The following COL1A2 variants were observed in gnomAD, a reference collection of about 807,000 sequenced individuals.
The protein encoded by COL1A2 is collagen alpha-2(I) chain.
In COL1A2, 49 loss-of-function variants were observed where a neutral mutation model predicts 174.3. The ratio of observed to expected loss-of-function variants is 0.28; its 90% CI spans 0.22 to 0.36. The LOEUF is 0.36. Among genes scored for constraint, COL1A2 ranks in the 10% least tolerant of loss-of-function variants. COL1A2 has a pLI of 1.00. For synonymous variants in COL1A2, 655 were observed against 606.6 expected (o/e 1.08, Z -1.17); for missense variants, 1,438 against 1,822.7 (o/e 0.79, Z 3.84).
Position 94,428,430 on chromosome 7 carries a change from G to T in COL1A2, c.3664G>T (p.Asp1222Tyr). The change falls in exon 50 of 52, where the codon GAC becomes TAC. Residue 1222 changes from aspartate (D) to tyrosine (Y), a missense_variant. Asp to Tyr is a radical substitution (Grantham distance 160). Around this residue, in one of 3 missense-constraint regions of COL1A2, gnomAD observed 290 missense variants for 298.1 expected, o/e 0.97. Transcript: ENST00000297268. Reference sequence around the variant, plus strand: ...CAAGAACTGGTATAGGAGCTCCAAGGACAAGAAACACGTCTGGCTAGGAGA... The same window carrying T: ...CAAGAACTGGTATAGGAGCTCCAAGTACAAGAAACACGTCTGGCTAGGAGA... ...PAKNWYRSSK[D>Y]KKHVWLGETI... 1 of 1,614,102 alleles carries T rather than the reference G, an allele frequency of 6.2e-7. No homozygotes were observed. Among genetic ancestry groups the T allele is most frequent in the Non-Finnish European group, 8.5e-7 (1 of 1,180,000 alleles).
In COL1A2 at chr7:94,416,676, C is replaced by G. The variant is rs545335330; in HGVS notation, c.1863+173C>G. 6.1e-5 allele frequency: 37 copies of G among 608,412 alleles called. No individual in the cohort carries two copies. The South Asian group carries it at 7.5e-4, about 12-fold the overall frequency. The allele number at this position is 608,412 out of a possible 1,614,324, so 37.7% of individuals were successfully genotyped here. On this transcript the variant is annotated intron_variant, in intron 31 of 51. Coordinates refer to ENST00000297268, the MANE Select transcript of COL1A2 (RefSeq NM_000089.4). ...TCCAGTGGACCTGAATTATTCTAAA[C>G]AAACAAACAATAGCAACAAACTGTG... is the stretch of plus-strand genomic sequence containing the variant.
intron 34 of COL1A2, 76 bp from the exon 35 acceptor site, chr7:94,420,157 C>G (rs569251031): frequency 6.3e-7 from 1 of 1,588,536 alleles, no homozygotes; most frequent in Admixed American, 1.7e-5. Flanking sequence ...CTGTCCACCA[C>G]TGTTCTCTCT....
chr7:94,420,804 T>C (rs1236168190), intron 37 of COL1A2, 156 bp downstream of exon 37: 15 of 907,666 alleles, frequency 1.7e-5, no homozygotes, highest in Non-Finnish European at 2.5e-5. Flanking sequence ...CTTTACAAAG[T>C]ATAAAAGTTT....
chr7:94,420,194 T>A, intron 34 of COL1A2, 39 bp from the exon 35 acceptor site: 3 of 1,612,336 alleles, frequency 1.9e-6, no homozygotes, highest in Non-Finnish European at 8.5e-7. Flanking sequence ...AGCATCTATG[T>A]CAGGCACATT....
In COL1A2 at chr7:94,400,497, C is replaced by T. The variant is rs80212902; in HGVS notation, c.225+209C>T. Among the ~76,000 whole-genome samples the T allele has an allele frequency of 0.023, 3,459 of 152,168 alleles. 137 individuals carry two copies. Among genetic ancestry groups the T allele is most frequent in the African/African-American group, 0.079 (3,272 of 41,494 alleles). On this transcript the variant is annotated intron_variant, in intron 5 of 51. Coordinates refer to ENST00000297268, the MANE Select transcript of COL1A2 (RefSeq NM_000089.4). ...ATTACAGGACTGGTCTTTGTGTGCA[C>T]TGAAGTTAGCTGTGGCCATCATTAC...
At chr7:94,401,137 T>A (rs1384230819) in intron 5 of COL1A2, among the ~76,000 whole-genome samples, 1 of 152,218 alleles carries the variant, frequency 6.6e-6, no homozygotes, top group Non-Finnish European at 1.5e-5. Context: ...AAAAGATCTC[T>A]TAGTCATTTT....
At chr7:94,409,273 C>G in intron 16 of COL1A2, 49 bp from the exon 17 acceptor site, 1 of 1,488,692 alleles carries the variant, frequency 6.7e-7, no homozygotes, top group Non-Finnish European at 9.4e-7. Context: ...AACAGATATG[C>G]TGTTTCATTA....
chr7:94,410,018 AATC>A (rs1186739938), intron 19 of COL1A2, among the ~76,000 whole-genome samples, 197 bp downstream of exon 19: 1 of 152,318 alleles, frequency 6.6e-6, no homozygotes, highest in East Asian at 1.9e-4. Flanking sequence ...TGTTATCTTA[AATC>A]ATTACCTCAA....
intron 6 of COL1A2, 100 bp from the exon 7 acceptor site, chr7:94,404,456 A>C: frequency 7.1e-6 from 9 of 1,267,724 alleles, no homozygotes; most frequent in Non-Finnish European, 1.0e-5. Context: ...TATGGAATCA[A>C]ACCACAACAA....
intron 4 of COL1A2, 138 bp from the exon 5 acceptor site, chr7:94,400,058 A>G (rs1791657876): frequency 1.2e-6 from 1 of 830,472 alleles, no homozygotes; most frequent in Non-Finnish European, 2.1e-6. Flanking sequence ...GTGAATTTCA[A>G]TCAATGACAA....
intron 31 of COL1A2, chr7:94,417,475 G>A (rs1792065114): frequency 4.0e-6 from 2 of 501,242 alleles, no homozygotes; most frequent in Admixed American, 3.1e-5. Context: ...ATCCTTAAGA[G>A]GACTGAAGCA....
rs923209931 is a variant in COL1A2, at chr7:94,427,628, G to GC, written c.3275dup (p.Gly1093TrpfsTer17). On this transcript the variant is annotated frameshift_variant and splice_region_variant, in exon 49 of 52. Coordinates refer to ENST00000297268, the MANE Select transcript of COL1A2 (RefSeq NM_000089.4). LOFTEE classifies it high-confidence loss of function. ...CCTATCTCACTTTCACCTTTGCAGGGCCCCCCTGGTCCCCCTGGCCCTCCT... is the reference window on the plus strand; with the variant it reads ...CCTATCTCACTTTCACCTTTGCAGGGCCCCCCCTGGTCCCCCTGGCCCTCCT... 1.2e-6 allele frequency: 2 copies of GC among 1,613,880 alleles called. No homozygotes were observed. The highest frequency in any genetic ancestry group is 1.3e-5 in the African/African-American group (1 of 74,886).
intron 12 of COL1A2, 145 bp from the exon 13 acceptor site, chr7:94,407,702 G>A: frequency 1.5e-6 from 1 of 681,432 alleles, no homozygotes; most frequent in East Asian, 2.9e-5. Flanking sequence ...TGTGTGTCTG[G>A]CATAATTGAA....
chr7:94,426,391 T>G (rs1371556513), intron 45 of COL1A2, 32 bp from the exon 46 acceptor site: 1 of 1,543,142 alleles, frequency 6.5e-7, no homozygotes, highest in Non-Finnish European at 8.8e-7. Context: ...TTTAAAACGG[T>G]AAGTCTTATC....
At position 94,428,615 on chromosome 7, in the gene COL1A2, G is replaced by A. The variant is rs546656336; in HGVS notation, c.3711+138G>A. ...TGTTCCTTTCCTGGGTTCCAATTTT[G>A]TCCTAAATTGCACATTAGAAGATGG... On this transcript the variant is annotated intron_variant, in intron 50 of 51. Transcript: ENST00000297268. 2.3e-3 allele frequency: 1,786 copies of A among 781,094 alleles called. 22 individuals are homozygous for A. Among genetic ancestry groups the A allele is most frequent in the South Asian group, 0.011 (765 of 67,086 alleles). 48.4% of individuals were successfully genotyped at this position (781,094 alleles called of 1,614,324 possible). A position where few individuals can be genotyped will look rare whatever the true frequency, so the allele number is the denominator to read the frequency against.
At chr7:94,406,224 A>G in intron 11 of COL1A2, 26 bp from the exon 12 acceptor site, 1 of 1,611,738 alleles carries the variant, frequency 6.2e-7, no homozygotes, top group South Asian at 1.1e-5. Context: ...ATGGAACAGC[A>G]TTTTATAATA....
intron 36 of COL1A2, 40 bp downstream of exon 36, chr7:94,420,484 A>C (rs753771687): frequency 1.9e-6 from 3 of 1,614,010 alleles, no homozygotes; most frequent in East Asian, 4.5e-5. Flanking sequence ...AAAACATCCT[A>C]AGTTGGGGAG....
rs1403968763 is a variant in COL1A2, at chr7:94,418,468, A to C, written c.1972-31A>C. 3.1e-6 allele frequency: 5 copies of C among 1,611,236 alleles called. No individual in the cohort carries two copies. The South Asian group carries it at 3.3e-5, about 11-fold the overall frequency. ...TTCGATTCAAAATTTTGGTCAGAAA[A>C]CAAAAAGTTGCTCTTGCTTTATACT... On this transcript the variant is annotated intron_variant, in intron 32 of 51. Coordinates refer to ENST00000297268, the MANE Select transcript of COL1A2 (RefSeq NM_000089.4).
At chr7:94,421,404 T>C (rs1186113835) in intron 38 of COL1A2, 1 of 409,342 alleles carries the variant, frequency 2.4e-6, no homozygotes, top group East Asian at 5.3e-5. Flanking sequence ...AACAATTCTC[T>C]AGAGACCCAG....
Sources: allele counts gnomAD v4.1 joint callset (sites outside exome capture counted in the v4.1 genomes callset), GRCh38; gene constraint gnomAD v4.1.1; regional missense constraint gnomAD v4.1.1; transcripts MANE v1.5; gene names NCBI Gene and HGNC (gene_info 2026-07-23, HGNC 2026-07-21).